KIAA2012: variants seen among roughly 807,000 people sequenced by gnomAD.
KIAA2012 encodes the protein KIAA2012.
A neutral mutation model predicts 150.6 loss-of-function variants in KIAA2012; 125 were observed. The observed-to-expected ratio is 0.83, with a 90% confidence interval of 0.72 to 0.96. The LOEUF (loss-of-function observed/expected upper bound fraction) is 0.96, where lower values mean the gene tolerates loss of function less well. KIAA2012 is among the 40% of genes least tolerant of loss of function. The pLI, the probability that KIAA2012 is intolerant of heterozygous loss-of-function variation, is 0.00. For synonymous variants in KIAA2012, 462 were observed against 504.7 expected (o/e 0.92, Z 1.13); for missense variants, 1,219 against 1,354.9 (o/e 0.90, Z 1.57).
chr2:202,173,420 T>C (rs1207833140), intron 15 of KIAA2012, among the ~76,000 whole-genome samples: 2 of 151,976 alleles, frequency 1.3e-5, no homozygotes, highest in African/African-American at 4.8e-5. Context: ...AAATACAAAA[T>C]TAGCTGGGCG....
chr2:202,084,653 C>T (rs1003005366), intron 2 of KIAA2012, among the ~76,000 whole-genome samples: 5 of 152,170 alleles, frequency 3.3e-5, no homozygotes, highest in African/African-American at 1.2e-4. Flanking sequence ...TCCCTGGCTC[C>T]CTTCTGTCTC....
At chr2:202,083,455 C>A (rs972602464) in intron 2 of KIAA2012, among the ~76,000 whole-genome samples, 2 of 148,334 alleles carry the variant, frequency 1.3e-5, no homozygotes, top group African/African-American at 4.9e-5. Context: ...ACAGGTGCAA[C>A]GACAATGATC....
At chr2:202,152,128 TC>T (rs1247325712) in intron 13 of KIAA2012, among the ~76,000 whole-genome samples, 1 of 152,142 alleles carries the variant, frequency 6.6e-6, no homozygotes, top group Non-Finnish European at 1.5e-5. Context: ...CACTACCTCT[TC>T]TTTATATGTT....
chr2:202,137,309 A>G (rs1417706334), intron 12 of KIAA2012: 1 of 139,812 alleles, frequency 7.2e-6, no homozygotes, highest in East Asian at 2.1e-4. Flanking sequence ...TAGAACATTA[A>G]AGTTACTTTT....
At chr2:202,095,163 T>G (rs1689834946) in intron 4 of KIAA2012, among the ~76,000 whole-genome samples, 1 of 152,150 alleles carries the variant, frequency 6.6e-6, no homozygotes, top group Admixed American at 6.5e-5. Context: ...AATTACTAAC[T>G]GGAATGCCCA....
At chr2:202,090,231 T>C (rs892441478) in intron 2 of KIAA2012, among the ~76,000 whole-genome samples, 5 of 150,874 alleles carry the variant, frequency 3.3e-5, no homozygotes, top group African/African-American at 9.8e-5. Context: ...TTCCCTATGA[T>C]GTCTTGCACA....
chr2:202,105,891 G>A lies in KIAA2012; in HGVS notation c.1455G>A (p.Arg485=), dbSNP rs1690177486. 4 of 1,550,838 alleles carry A rather than the reference G, an allele frequency of 2.6e-6. No homozygotes were observed. The South Asian group carries it at 4.8e-5, about 18-fold the overall frequency. ...TGCATCTCCCAGTGGACGCGAGCAG[G>A]GACACACTCTCACCTCAAGGTAGCT... The part of the protein sequence containing the change: ...LTVHLPVDAS[R]DTLSPQDDDA... The change falls in exon 9 of 24, where the codon AGG becomes AGA. Residue 485 remains arginine (R), a synonymous_variant. Transcript: ENST00000498697.
intron 14 of KIAA2012, among the ~76,000 whole-genome samples, chr2:202,160,172 G>C (rs1356772266): frequency 1.3e-5 from 2 of 152,114 alleles, no homozygotes; most frequent in Non-Finnish European, 2.9e-5. Context: ...GATCTATGAG[G>C]TCTGTCTGTT....
At chr2:202,080,897 G>A (rs182190880) in intron 2 of KIAA2012, among the ~76,000 whole-genome samples, 1 of 152,260 alleles carries the variant, frequency 6.6e-6, no homozygotes, top group African/African-American at 2.4e-5. Flanking sequence ...TTTGCTGGCA[G>A]TAAGTATATT....
At chr2:202,119,274 GA>G (rs5837806) in intron 11 of KIAA2012, among the ~76,000 whole-genome samples, 127,181 of 148,776 alleles carry the variant, frequency 0.85, 54,287 homozygotes, top group African/African-American at 0.91. Context: ...TCCGTCTCAG[GA>G]AAAAAAAAAA....
At chr2:202,093,435 C>T (rs1055823029) in intron 4 of KIAA2012, among the ~76,000 whole-genome samples, 18 of 152,286 alleles carry the variant, frequency 1.2e-4, no homozygotes, top group South Asian at 2.1e-4. Context: ...TGAAATGTAG[C>T]AGTACAACAG....
intron 15 of KIAA2012, among the ~76,000 whole-genome samples, chr2:202,181,566 A>G (rs1212500053): frequency 6.6e-6 from 1 of 152,082 alleles, no homozygotes; most frequent in Non-Finnish European, 1.5e-5. Context: ...TGAGCAACAG[A>G]GCGAGACCCT....
intron 23 of KIAA2012, 23 bp downstream of exon 23, chr2:202,202,610 A>G (rs1050747427): frequency 2.5e-6 from 1 of 398,760 alleles, no homozygotes; most frequent in South Asian, 1.3e-4. Context: ...ATGGTGAAAG[A>G]AAAGGAGAAA....
At chr2:202,089,096 G>C (rs1294986757) in intron 2 of KIAA2012, among the ~76,000 whole-genome samples, 1 of 152,178 alleles carries the variant, frequency 6.6e-6, no homozygotes, top group Admixed American at 6.5e-5. Context: ...GCCTCTGCAG[G>C]CCCATAAGAC....
intron 19 of KIAA2012, among the ~76,000 whole-genome samples, chr2:202,191,963 A>G (rs558956212): frequency 1.3e-5 from 2 of 152,306 alleles, no homozygotes; most frequent in South Asian, 2.1e-4. Context: ...TTTGACTCCA[A>G]CTTCAGGACT....
In KIAA2012 at chr2:202,201,604, C is replaced by T; in HGVS notation, c.3408-825C>T. 4 of 1,610,036 alleles carry T rather than the reference C, an allele frequency of 2.5e-6. No individual in the cohort carries two copies. The South Asian group carries it at 3.3e-5, about 13-fold the overall frequency. On this transcript the variant is annotated intron_variant, in intron 22 of 23. Transcript: ENST00000498697. Reference sequence around the variant, plus strand: ...GTGGAGCCAGGTGGATAGATGGGACCAACTGGATAATAAGCCATGGGGATT... The same window carrying T: ...GTGGAGCCAGGTGGATAGATGGGACTAACTGGATAATAAGCCATGGGGATT...
At chr2:202,097,357 AG>A in intron 4 of KIAA2012, 77 bp from the exon 5 acceptor site, 1 of 1,531,804 alleles carries the variant, frequency 6.5e-7, no homozygotes, top group East Asian at 2.5e-5. Context: ...AGAAGCAAGA[AG>A]GGAGGCAGTT....
At chr2:202,192,858 C>T (rs546043111) in intron 19 of KIAA2012, among the ~76,000 whole-genome samples, 1 of 152,228 alleles carries the variant, frequency 6.6e-6, no homozygotes, top group South Asian at 2.1e-4. Context: ...CCAAGCAATC[C>T]TCCCACTTCA....
intron 14 of KIAA2012, among the ~76,000 whole-genome samples, chr2:202,160,479 G>A (rs907725297): frequency 7.2e-5 from 11 of 151,854 alleles, no homozygotes; most frequent in South Asian, 4.2e-4. Flanking sequence ...ATGCCCAGCT[G>A]ATTTTTTATA....
Sources: gnomAD v4.1 joint callset for allele counts (sites outside exome capture counted in the v4.1 genomes callset) on GRCh38, gnomAD v4.1.1 for gene constraint, MANE v1.5 for transcripts, NCBI Gene and HGNC (gene_info 2026-07-23, HGNC 2026-07-21) for gene names.